ZNF230: variants seen among roughly 807,000 people sequenced by gnomAD.
The protein encoded by ZNF230 is zinc finger protein 230.
A neutral mutation model predicts 10.0 loss-of-function variants in ZNF230; 12 were observed. That is an observed-to-expected ratio of 1.20 (90% CI 0.77 to 1.95). The LOEUF (loss-of-function observed/expected upper bound fraction) is 1.95. ZNF230 is among the 30% of genes most tolerant of loss of function. The pLI is 0.00. For synonymous variants in ZNF230, 174 were observed against 193.6 expected (o/e 0.90, Z 0.84); for missense variants, 532 against 565.8 (o/e 0.94, Z 0.61).
chr19:44,011,482 G>T lies in ZNF230; in HGVS notation c.*18G>T. 6.5e-7 allele frequency: 1 copy of T among 1,544,670 alleles called. No individual in the cohort carries two copies. The highest frequency in any genetic ancestry group is 1.2e-5 in the South Asian group (1 of 82,480). On this transcript the variant is annotated 3_prime_UTR_variant, in exon 5 of 5. Transcript: ENST00000429154. ...ATATGTAAGTTGTACATATATATGG[G>T]ATATGGTATGAAATTTTAATATGTG... is the stretch of plus-strand genomic sequence containing the variant.
chr19:44,011,140 G>A lies in ZNF230; in HGVS notation c.1101G>A (p.Glu367=). Reference sequence around the variant, plus strand: ...GTGGAGAAAAACCATACAGATGTGAGGAGTGTGGGAAGGGCTACATTAGTA... The same window carrying A: ...GTGGAGAAAAACCATACAGATGTGAAGAGTGTGGGAAGGGCTACATTAGTA... ...IHSGEKPYRC[E]ECGKGYISKS... Residue 367 remains glutamate (E), a synonymous_variant, in exon 5 of 5, where the codon GAG becomes GAA. Coordinates refer to ENST00000429154, the MANE Select transcript of ZNF230 (RefSeq NM_006300.4). 6.2e-7 allele frequency: 1 copy of A among 1,614,238 alleles called. No individual in the cohort carries two copies. Among genetic ancestry groups the A allele is most frequent in the Non-Finnish European group, 8.5e-7 (1 of 1,180,040 alleles).
Position 44,011,173 on chromosome 19 carries a change from T to G in ZNF230, c.1134T>G (p.Gly378=), listed in dbSNP as rs1976178485. 6.2e-7 allele frequency: 1 copy of G among 1,614,084 alleles called. No individual in the cohort carries two copies. Among genetic ancestry groups the G allele is most frequent in the African/African-American group, 1.3e-5 (1 of 75,022 alleles). Residue 378 remains glycine (G), a synonymous_variant, in exon 5 of 5, where the codon GGT becomes GGG. Coordinates refer to ENST00000429154, the MANE Select transcript of ZNF230 (RefSeq NM_006300.4). ...GGAAGGGCTACATTAGTAAGTCAGG[T>G]CTTAACTTGCACCAGAGGGTCCATA... is the stretch of plus-strand genomic sequence containing the variant. The part of the protein sequence containing the change: ...ECGKGYISKS[G]LNLHQRVHTG...
intron 1 of ZNF230, chr19:44,003,792 C>A (rs899557338): frequency 2.2e-5 from 4 of 179,110 alleles, no homozygotes; most frequent in Non-Finnish European, 3.7e-5. Flanking sequence ...GTTCACCCAA[C>A]CGAGAGTGTG....
Position 44,011,153 on chromosome 19 carries a change from G to A in ZNF230, c.1114G>A (p.Gly372Ser), listed in dbSNP as rs773101823. The A allele has an allele frequency of 6.2e-7, 1 of 1,614,090 alleles. No homozygotes were observed. Among genetic ancestry groups the A allele is most frequent in the Admixed American group, 1.7e-5 (1 of 60,012 alleles). The change falls in exon 5 of 5, where the codon GGC becomes AGC. Residue 372 changes from glycine (G) to serine (S), a missense_variant. Gly to Ser is a moderately conservative substitution (Grantham distance 56, BLOSUM62 0). Transcript: ENST00000429154. ...KPYRCEECGK[G>S]YISKSGLNLH... ...ATACAGATGTGAGGAGTGTGGGAAG[G>A]GCTACATTAGTAAGTCAGGTCTTAA... is the stretch of plus-strand genomic sequence containing the variant.
rs979245700 is a variant in ZNF230, at chr19:44,013,828, G to T, written c.*2364G>T. On this transcript the variant is annotated 3_prime_UTR_variant, in exon 5 of 5. Coordinates refer to ENST00000429154, the MANE Select transcript of ZNF230 (RefSeq NM_006300.4). ...CTCAGTGAACATCAGTTTTATCAAAGCAGTAAATTTAGTGCAATAAATTTG... is the reference window on the plus strand; with the variant it reads ...CTCAGTGAACATCAGTTTTATCAAATCAGTAAATTTAGTGCAATAAATTTG... 2.6e-5 allele frequency: 4 copies of T among 152,114 alleles called. No individual in the cohort carries two copies. The highest frequency in any genetic ancestry group is 9.7e-5 in the African/African-American group (4 of 41,410). 9.4% of individuals were successfully genotyped at this position (152,114 alleles called of 1,614,324 possible). A position where few individuals can be genotyped will look rare whatever the true frequency, so the allele number is the denominator to read the frequency against.
intron 1 of ZNF230, among the ~76,000 whole-genome samples, chr19:44,005,454 ATTG>A (rs1976113998): frequency 1.3e-5 from 2 of 152,210 alleles, no homozygotes; most frequent in African/African-American, 4.8e-5. Context: ...ATTAAATAAT[ATTG>A]TTATCTATTA....
rs187492007 is a variant in ZNF230 at position 44,006,788 on chromosome 19, G to T, written c.-68-223G>T. The T allele has an allele frequency of 1.3e-4, 37 of 281,626 alleles. No homozygotes were observed. The East Asian group carries it at 2.0e-3, about 15-fold the overall frequency. 17.4% of individuals were successfully genotyped at this position (281,626 alleles called of 1,614,324 possible). On this transcript the variant is annotated intron_variant, in intron 1 of 4. Transcript: ENST00000429154. ...AAGGTTTGTGCATGTTGTAGCATGG[G>T]TTGGTACTTCATTCCTTTTAATTTC...
intron 2 of ZNF230, among the ~76,000 whole-genome samples, chr19:44,007,995 G>A (rs1976138346): frequency 6.6e-6 from 1 of 152,188 alleles, no homozygotes; most frequent in Non-Finnish European, 1.5e-5. Context: ...ATTACATGTA[G>A]GTAGCAAGGG....
Position 44,007,063 on chromosome 19 carries a change from A to G in ZNF230, c.-16A>G. On this transcript the variant is annotated 5_prime_UTR_variant, in exon 2 of 5. Coordinates refer to ENST00000429154, the MANE Select transcript of ZNF230 (RefSeq NM_006300.4). ...ATTACTCAAGACACTGAAGACTCCA[A>G]AAAGTAGTAGGAAAAATGACCACAT... 4 of 1,604,896 alleles carry G rather than the reference A, an allele frequency of 2.5e-6. No individual in the cohort carries two copies. Among genetic ancestry groups the G allele is most frequent in the Non-Finnish European group, 3.4e-6 (4 of 1,172,236 alleles).
Position 44,011,940 on chromosome 19 carries a change from T to C in ZNF230, c.*476T>C, listed in dbSNP as rs4622623. On this transcript the variant is annotated 3_prime_UTR_variant, in exon 5 of 5. Transcript: ENST00000429154. ...CTTTTTATGCCCAAAGAGTATTCTATTGTGTATATATGCCACCTTTTCTTC... is the reference window on the plus strand; with the variant it reads ...CTTTTTATGCCCAAAGAGTATTCTACTGTGTATATATGCCACCTTTTCTTC... 0.041 allele frequency: 7,747 copies of C among 188,798 alleles called. 630 individuals are homozygous for C. The highest frequency in any genetic ancestry group is 0.17 in the African/African-American group (7,253 of 41,794). The allele number at this position is 188,798 out of a possible 1,614,324, so 11.7% of individuals were successfully genotyped here.
In ZNF230 at chr19:44,013,712, G is replaced by C. The variant is rs1164793476; in HGVS notation, c.*2248G>C. On this transcript the variant is annotated 3_prime_UTR_variant, in exon 5 of 5. Coordinates refer to ENST00000429154, the MANE Select transcript of ZNF230 (RefSeq NM_006300.4). ...TTGTGTGTTTCTGGGACTTTTTAAT[G>C]TGTATATACGTAATTTGTGAACAAC... 6.6e-6 allele frequency: 1 copy of C among 152,110 alleles called. No individual in the cohort carries two copies. Among genetic ancestry groups the C allele is most frequent in the Non-Finnish European group, 1.5e-5 (1 of 68,024 alleles). The allele number at this position is 152,110 out of a possible 1,614,324, so 9.4% of individuals were successfully genotyped here.
At position 44,011,011 on chromosome 19, in the gene ZNF230, T is replaced by C. The variant is rs1277589039; in HGVS notation, c.972T>C (p.His324=). The change falls in exon 5 of 5, where the codon CAT becomes CAC. Residue 324 remains histidine (H), a synonymous_variant. Transcript: ENST00000429154. ...GKGFTDSLDL[H]KHQIIHTGQK... is the part of the protein sequence containing the mutation. ...GCTTCACTGATAGCCTAGATTTGCA[T>C]AAGCATCAGATAATTCACACAGGAC... 9.3e-6 allele frequency: 15 copies of C among 1,614,190 alleles called. No homozygotes were observed. Among genetic ancestry groups the C allele is most frequent in the Middle Eastern group, 1.6e-4 (1 of 6,062 alleles).
At position 44,013,365 on chromosome 19, in the gene ZNF230, C is replaced by T. The variant is rs1355513488; in HGVS notation, c.*1901C>T. On this transcript the variant is annotated 3_prime_UTR_variant, in exon 5 of 5. Coordinates refer to ENST00000429154, the MANE Select transcript of ZNF230 (RefSeq NM_006300.4). ...GGGGTAGGAGTGACATTTACATGCT[C>T]TTCTTTATTGTTGGCAGTAAAAATA... The T allele has an allele frequency of 3.3e-5, 5 of 152,092 alleles. No homozygotes were observed. The highest frequency in any genetic ancestry group is 1.2e-4 in the African/African-American group (5 of 41,394). The allele number at this position is 152,092 out of a possible 1,614,324, so 9.4% of individuals were successfully genotyped here. A position where few individuals can be genotyped will look rare whatever the true frequency, so the allele number is the denominator to read the frequency against.
At position 44,012,382 on chromosome 19, in the gene ZNF230, A is replaced by G. The variant is rs1976195024; in HGVS notation, c.*918A>G. The G allele has an allele frequency of 1.9e-6, 1 of 518,822 alleles. No homozygotes were observed. Among genetic ancestry groups the G allele is most frequent in the South Asian group, 1.4e-5 (1 of 71,580 alleles). The allele number at this position is 518,822 out of a possible 1,614,324, so 32.1% of individuals were successfully genotyped here. A position where few individuals can be genotyped will look rare whatever the true frequency, so the allele number is the denominator to read the frequency against. On this transcript the variant is annotated 3_prime_UTR_variant, in exon 5 of 5. Transcript: ENST00000429154. ...TTTATATCATAATTTATCACAGTCC[A>G]TACTGATAATATATTTCATCCAGGC...
chr19:44,008,175 A>G (rs1465650758), intron 2 of ZNF230, among the ~76,000 whole-genome samples: 2 of 152,170 alleles, frequency 1.3e-5, no homozygotes, highest in Non-Finnish European at 2.9e-5. Flanking sequence ...CTTACTGAGC[A>G]GTTCCTCTCT....
rs541302455 is a variant in ZNF230, at chr19:44,012,670, G to A, written c.*1206G>A. 6.1e-5 allele frequency: 21 copies of A among 345,038 alleles called. No homozygotes were observed. The highest frequency in any genetic ancestry group is 4.4e-4 in the South Asian group (20 of 45,292). 21.4% of individuals were successfully genotyped at this position (345,038 alleles called of 1,614,324 possible). ...AGGTACCTTGTTTTCTGCATCCTCAGGACCTTAACACTGATTAGCACTTAC... is the reference window on the plus strand; with the variant it reads ...AGGTACCTTGTTTTCTGCATCCTCAAGACCTTAACACTGATTAGCACTTAC... On this transcript the variant is annotated 3_prime_UTR_variant, in exon 5 of 5. Coordinates refer to ENST00000429154, the MANE Select transcript of ZNF230 (RefSeq NM_006300.4).
In ZNF230 at chr19:44,013,904, T is replaced by A; in HGVS notation, c.*2440T>A. The A allele has an allele frequency of 6.6e-6, 1 of 152,216 alleles. No homozygotes were observed. Among genetic ancestry groups the A allele is most frequent in the East Asian group, 1.9e-4 (1 of 5,200 alleles). The allele number at this position is 152,216 out of a possible 1,614,324, so 9.4% of individuals were successfully genotyped here. ...CCTACCAGGACTCAGAATCTCAGAA[T>A]AAAATTGCTCTATATTGTCATATGA... On this transcript the variant is annotated 3_prime_UTR_variant, in exon 5 of 5. Transcript: ENST00000429154.
Position 44,007,088 on chromosome 19 carries a change from T to A in ZNF230, c.10T>A (p.Phe4Ile). 6.2e-7 allele frequency: 1 copy of A among 1,605,966 alleles called. No homozygotes were observed. The highest frequency in any genetic ancestry group is 1.1e-5 in the South Asian group (1 of 90,622). MTT[F>I]KEAVTFKDVA... is the part of the protein sequence containing the mutation. ...AAAAGTAGTAGGAAAAATGACCACA[T>A]TCAAGGTGAGTAGAGCTCACCTCTC... Residue 4 changes from phenylalanine to isoleucine, a missense_variant, in exon 2 of 5, where the codon TTC becomes ATC. By Grantham distance (21) the Phe-to-Ile change is conservative. Transcript: ENST00000429154.
Position 44,011,210 on chromosome 19 carries a change from C to T in ZNF230, c.1171C>T (p.Pro391Ser), listed in dbSNP as rs1976178936. The T allele has an allele frequency of 1.2e-6, 2 of 1,613,972 alleles. No individual in the cohort carries two copies. Among genetic ancestry groups the T allele is most frequent in the East Asian group, 2.2e-5 (1 of 44,878 alleles). ...LHQRVHTGER[P>S]YNCKECGKSF... Reference sequence around the variant, plus strand: ...CCAGAGGGTCCATACTGGAGAGAGACCTTATAATTGTAAGGAATGTGGGAA... The same window carrying T: ...CCAGAGGGTCCATACTGGAGAGAGATCTTATAATTGTAAGGAATGTGGGAA... Residue 391 changes from proline to serine, a missense_variant, in exon 5 of 5, where the codon CCT becomes TCT. Pro to Ser is a moderately conservative substitution (Grantham distance 74, BLOSUM62 -1). Transcript: ENST00000429154.
Sources: allele counts gnomAD v4.1 joint callset (sites outside exome capture counted in the v4.1 genomes callset), GRCh38; gene constraint gnomAD v4.1.1; transcripts MANE v1.5; gene names NCBI Gene and HGNC (gene_info 2026-07-23, HGNC 2026-07-21).